NR2C1: variants seen among roughly 807,000 people sequenced by gnomAD.
NR2C1 encodes the protein TR2 nuclear hormone receptor.
A neutral mutation model predicts 74.8 loss-of-function variants in NR2C1; 33 were observed. That is an observed-to-expected ratio of 0.44 (90% CI 0.33 to 0.59). The LOEUF (loss-of-function observed/expected upper bound fraction) is 0.59, where lower values mean the gene tolerates loss of function less well. NR2C1 is among the 20% of genes least tolerant of loss of function. The probability of loss-of-function intolerance (pLI) is 0.02; values close to 1 mark genes in which losing one functional copy is unlikely to be tolerated. For synonymous variants in NR2C1, 225 were observed against 240.6 expected (o/e 0.94, Z 0.60); for missense variants, 568 against 715.6 (o/e 0.79, Z 2.35).
At chr12:95,040,131 TGAGA>T (rs1871329771) in intron 10 of NR2C1, among the ~76,000 whole-genome samples, 1 of 151,594 alleles carries the variant, frequency 6.6e-6, no homozygotes, top group South Asian at 2.1e-4. Context: ...ACAGTAGTGA[TGAGA>T]GAGAAACAAG....
chr12:95,058,364 G>A lies in NR2C1; in HGVS notation c.490C>T (p.Arg164Cys), dbSNP rs1382394282. ...CTCTGTAACCTGCAGTATTGACAGCGGTTTCGGTGGTGCTTATTAATAATA... is the reference window on the plus strand; with the variant it reads ...CTCTGTAACCTGCAGTATTGACAGCAGTTTCGGTGGTGCTTATTAATAATA... ...DCIINKHHRN[R>C]CQYCRLQRCI... is the part of the protein sequence containing the mutation. Residue 164 changes from arginine (R) to cysteine (C), a missense_variant, in exon 5 of 14, where the codon CGC (arginine) becomes TGC (cysteine). By Grantham distance (180) the Arg-to-Cys change is radical. This residue lies in a region of NR2C1 where 44 missense variants were observed against 95.6 expected (regional missense o/e 0.46). Transcript: ENST00000333003. 3 of 1,613,512 alleles carry A rather than the reference G, an allele frequency of 1.9e-6. No homozygotes were observed. Among genetic ancestry groups the A allele is most frequent in the South Asian group, 2.2e-5 (2 of 91,046 alleles).
intron 8 of NR2C1, among the ~76,000 whole-genome samples, chr12:95,050,391 C>A (rs1872817053): frequency 6.6e-6 from 1 of 152,176 alleles, no homozygotes; most frequent in Non-Finnish European, 1.5e-5. Flanking sequence ...TCACTGCAAC[C>A]TCCATCTCTG....
intron 5 of NR2C1, 84 bp from the exon 6 acceptor site, chr12:95,057,962 G>T: frequency 9.0e-7 from 1 of 1,111,618 alleles, no homozygotes; most frequent in Non-Finnish European, 1.3e-6. Flanking sequence ...GCTTAATGCT[G>T]CTAATAGGAG....
chr12:95,068,545 A>G (rs1284479632), intron 1 of NR2C1, among the ~76,000 whole-genome samples: 1 of 152,202 alleles, frequency 6.6e-6, no homozygotes, highest in Non-Finnish European at 1.5e-5. Context: ...CTGTATTCCT[A>G]GCACTATGGG....
intron 1 of NR2C1, among the ~76,000 whole-genome samples, chr12:95,067,878 CTTT>C (rs35730526): frequency 6.4e-5 from 7 of 110,004 alleles, no homozygotes; most frequent in South Asian, 3.5e-4. Context: ...CTCCATGTAT[CTTT>C]TTTTTTTTTT....
intron 4 of NR2C1, among the ~76,000 whole-genome samples, chr12:95,059,359 T>C (rs752274010): frequency 3.9e-5 from 6 of 152,130 alleles, no homozygotes; most frequent in Non-Finnish European, 7.3e-5. Flanking sequence ...ATATGCATTT[T>C]ATTTCATTAC....
chr12:95,068,797 A>T (rs918547071), intron 1 of NR2C1, among the ~76,000 whole-genome samples: 3 of 127,522 alleles, frequency 2.4e-5, no homozygotes, highest in East Asian at 2.1e-4. Flanking sequence ...TCTGTCTCAT[A>T]AAAAAAAAAA....
At chr12:95,048,219 C>A (rs907987468) in intron 9 of NR2C1, among the ~76,000 whole-genome samples, 6 of 152,114 alleles carry the variant, frequency 3.9e-5, no homozygotes, top group African/African-American at 1.2e-4. Flanking sequence ...AGCAGCTGCA[C>A]CTGGCCAATT....
At chr12:95,063,651 G>A (rs1875133643) in intron 2 of NR2C1, among the ~76,000 whole-genome samples, 1 of 150,760 alleles carries the variant, frequency 6.6e-6, no homozygotes, top group Non-Finnish European at 1.5e-5. Flanking sequence ...GACCAGACTG[G>A]GCAACACAGT....
At chr12:95,036,676 A>G (rs895469169) in intron 10 of NR2C1, among the ~76,000 whole-genome samples, 2 of 151,882 alleles carry the variant, frequency 1.3e-5, no homozygotes, top group African/African-American at 4.8e-5. Context: ...ATGCCTGGCT[A>G]ACTTTTGAAT....
intron 8 of NR2C1, 141 bp downstream of exon 8, chr12:95,051,621 G>A: frequency 1.4e-6 from 1 of 707,192 alleles, no homozygotes; most frequent in Non-Finnish European, 2.2e-6. Context: ...TTTCGGATAA[G>A]AGATAATCAA....
At chr12:95,072,455 C>CAAAAAAAAAAAAAAA (rs570185714) in intron 1 of NR2C1, among the ~76,000 whole-genome samples, 1 of 60,312 alleles carries the variant, frequency 1.7e-5, no homozygotes, top group Non-Finnish European at 3.3e-5. Flanking sequence ...CTCTCCCTCT[C>CAAAAAAAAAAAAAAA]AAAAAAAAAA....
intron 10 of NR2C1, among the ~76,000 whole-genome samples, chr12:95,033,661 T>C (rs966938811): frequency 6.6e-6 from 1 of 152,210 alleles, no homozygotes; most frequent in African/African-American, 2.4e-5. Flanking sequence ...GAGTTCACTT[T>C]CTAGAAGGAA....
chr12:95,055,066 T>A (rs952432047), intron 7 of NR2C1, among the ~76,000 whole-genome samples: 2 of 152,142 alleles, frequency 1.3e-5, no homozygotes, highest in African/African-American at 4.8e-5. Flanking sequence ...GAGCACAGGG[T>A]TGGGGGTAAG....
At chr12:95,038,347 CTT>C (rs1243014360) in intron 10 of NR2C1, among the ~76,000 whole-genome samples, 2 of 152,194 alleles carry the variant, frequency 1.3e-5, no homozygotes, top group African/African-American at 4.8e-5. Context: ...AAATTCCTCC[CTT>C]TTGTTGTTTT....
At chr12:95,051,987 AT>A (rs754126008) in intron 7 of NR2C1, 44 bp from the exon 8 acceptor site, 4 of 1,304,624 alleles carry the variant, frequency 3.1e-6, no homozygotes, top group Non-Finnish European at 4.2e-6. Flanking sequence ...TGGTATCACT[AT>A]TTTTTTCAAT....
chr12:95,049,761 G>A (rs1872741856), intron 8 of NR2C1, among the ~76,000 whole-genome samples: 2 of 152,028 alleles, frequency 1.3e-5, no homozygotes, highest in African/African-American at 4.8e-5. Context: ...CAGTACAATA[G>A]GTCTTAAATT....
At chr12:95,053,811 G>A (rs1228221344) in intron 7 of NR2C1, among the ~76,000 whole-genome samples, 2 of 151,454 alleles carry the variant, frequency 1.3e-5, no homozygotes, top group African/African-American at 4.9e-5. Flanking sequence ...AGCCTCCTGA[G>A]GAGCTGGGAC....
chr12:95,028,512 GT>G lies in NR2C1; in HGVS notation c.1405del (p.Thr469GlnfsTer7). On this transcript the variant is annotated frameshift_variant, in exon 12 of 14. Transcript: ENST00000333003. LOFTEE classifies it high-confidence loss of function. ...HNSLQQDKMS[T>X]ERRKLLMEHI... ...CTCCATCAATAATTTTCTTCTTTCT[GT>G]TGACATTTTATCTTTAATTAAAAAT... is the stretch of plus-strand genomic sequence containing the variant. The G allele has an allele frequency of 6.5e-7, 1 of 1,545,166 alleles. No individual in the cohort carries two copies. Among genetic ancestry groups the G allele is most frequent in the Non-Finnish European group, 8.9e-7 (1 of 1,125,216 alleles).
Sources: gnomAD v4.1 joint callset for allele counts (sites outside exome capture counted in the v4.1 genomes callset) on GRCh38, gnomAD v4.1.1 for gene constraint, gnomAD v4.1.1 regional missense constraint, MANE v1.5 for transcripts, NCBI Gene and HGNC (gene_info 2026-07-23, HGNC 2026-07-21) for gene names.